The following LUZP4 variants were observed in gnomAD, a reference collection of about 807,000 sequenced individuals.
The protein encoded by LUZP4 is HOM-TES-85 tumor antigen.
A neutral mutation model predicts 8.5 loss-of-function variants in LUZP4; 11 were observed. The ratio of observed to expected loss-of-function variants is 1.30; its 90% CI spans 0.82 to 2.14. The LOEUF is 2.14. Ranked by LOEUF, LUZP4 falls within the 30% of genes most tolerant of loss-of-function variation. LUZP4 has a pLI of 0.00. For synonymous variants in LUZP4, 104 were observed against 79.4 expected (o/e 1.31, Z -1.65); for missense variants, 276 against 229.7 (o/e 1.20, Z -1.30).
chrX:115,289,816 T>C lies in LUZP4; in HGVS notation c.57T>C (p.Ser19=). The change falls in exon 1 of 4, where the codon AGT becomes AGC. Residue 19 remains serine (S), a synonymous_variant. Transcript: ENST00000371920. ...LSEKVPPNHP[S]RKKVNFLDMS... ...AAAAAGTGCCGCCAAATCATCCCAG[T>C]CGGAAAAAGGTTAACTTCCTAGATA... The C allele has an allele frequency of 8.3e-7, 1 of 1,208,385 alleles. No homozygotes were observed. Among genetic ancestry groups the C allele is most frequent in the African/African-American group, 1.7e-5 (1 of 57,602 alleles).
At chrX:115,294,864 T>G (rs1450519937) in intron 1 of LUZP4, among the ~76,000 whole-genome samples, 9 of 111,777 alleles carry the variant, frequency 8.1e-5, no homozygotes, top group African/African-American at 2.6e-4. Flanking sequence ...TAAGTATGAC[T>G]GTAAGATCTC....
chrX:115,294,079 C>T (rs990297278), intron 1 of LUZP4, among the ~76,000 whole-genome samples: 1 of 112,285 alleles, frequency 8.9e-6, no homozygotes, highest in Non-Finnish European at 1.9e-5. Flanking sequence ...TCACTCTAGG[C>T]CCTGCCTTGT....
chrX:115,301,746 G>A (rs181631536), intron 1 of LUZP4, among the ~76,000 whole-genome samples: 8 of 111,844 alleles, frequency 7.2e-5, no homozygotes, highest in African/African-American at 1.6e-4. Flanking sequence ...AAAGTATTTT[G>A]CTTTTGCATA....
intron 3 of LUZP4, among the ~76,000 whole-genome samples, chrX:115,303,969 T>C (rs1340579980): frequency 1.8e-5 from 2 of 112,493 alleles, no homozygotes; most frequent in Non-Finnish European, 3.7e-5. Flanking sequence ...TCCTAGCTTA[T>C]AAACTGATTC....
At chrX:115,291,793 G>A (rs144896575) in intron 1 of LUZP4, among the ~76,000 whole-genome samples, 218 of 110,952 alleles carry the variant, frequency 2.0e-3, no homozygotes, top group Non-Finnish European at 3.6e-3. Flanking sequence ...ATGGTGTTGC[G>A]TGCCTGTAGT....
rs782636978 is a variant in LUZP4 at position 115,302,042 on chromosome X, A to G, written c.142A>G (p.Lys48Glu). Reference sequence around the variant, plus strand: ...AGAAGGGACAAATGCTGAAGAAGAAAAGAATAAAAGACAGAACCATAGTAA... The same window carrying G: ...AGAAGGGACAAATGCTGAAGAAGAAGAGAATAAAAGACAGAACCATAGTAA... ...ELEGTNAEEE[K>E]NKRQNHSKKE... Residue 48 changes from lysine to glutamate, a missense_variant, in exon 2 of 4, where the codon AAG becomes GAG. Transcript: ENST00000371920. The G allele has an allele frequency of 2.5e-6, 3 of 1,182,326 alleles. No homozygotes were observed. The highest frequency in any genetic ancestry group is 3.4e-6 in the Non-Finnish European group (3 of 872,705).
Position 115,306,433 on chromosome X carries a change from C to T in LUZP4, c.571C>T (p.His191Tyr), listed in dbSNP as rs782135951. 2.5e-6 allele frequency: 3 copies of T among 1,209,768 alleles called. No individual in the cohort carries two copies. In the African/African-American group the frequency reaches 5.3e-5, roughly 21 times the overall value. Residue 191 changes from histidine (H) to tyrosine (Y), a missense_variant, in exon 4 of 4, where the codon CAT becomes TAT. Coordinates refer to ENST00000371920, the MANE Select transcript of LUZP4 (RefSeq NM_016383.5). ...KRHHPQYERS[H>Y]GQYKRSHGQS... ...ACATCATCCCCAATATGAGAGATCT[C>T]ATGGCCAATACAAGAGATCTCATGG...
At chrX:115,303,048 G>A (rs2073404754) in intron 2 of LUZP4, among the ~76,000 whole-genome samples, 2 of 111,216 alleles carry the variant, frequency 1.8e-5, no homozygotes, top group African/African-American at 3.3e-5. Flanking sequence ...CCCAACTTTG[G>A]TGGCATATGA....
intron 3 of LUZP4, among the ~76,000 whole-genome samples, chrX:115,304,158 A>G (rs1556602798): frequency 8.9e-6 from 1 of 112,577 alleles, no homozygotes; most frequent in Non-Finnish European, 1.9e-5. Context: ...TCAAATTATG[A>G]TTCAATGCCT....
At chrX:115,290,690 G>T (rs782175693) in intron 1 of LUZP4, among the ~76,000 whole-genome samples, 1 of 111,340 alleles carries the variant, frequency 9.0e-6, no homozygotes, top group South Asian at 3.8e-4. Flanking sequence ...GATGGAAGCT[G>T]ACTTTAGAAA....
chrX:115,301,361 A>G (rs1469138323), intron 1 of LUZP4, among the ~76,000 whole-genome samples: 1 of 111,749 alleles, frequency 8.9e-6, no homozygotes, highest in Admixed American at 9.5e-5. Context: ...TCTTTAAATT[A>G]TGCCATGTAA....
chrX:115,291,086 A>T (rs782151468), intron 1 of LUZP4, among the ~76,000 whole-genome samples: 1 of 110,499 alleles, frequency 9.0e-6, no homozygotes, highest in East Asian at 2.9e-4. Context: ...GGCATAAGCC[A>T]CCGCCCCCGG....
rs1556604570 is a variant in LUZP4, at chrX:115,306,781, G to A, written c.919G>A (p.Gly307Ser). The change falls in exon 4 of 4, where the codon GGT (glycine) becomes AGT (serine). Residue 307 changes from glycine to serine, a missense_variant. Physicochemically the swap from Gly to Ser is moderately conservative, Grantham distance 56. Coordinates refer to ENST00000371920, the MANE Select transcript of LUZP4 (RefSeq NM_016383.5). ...AGAAAGACATCAGAGATACTCAACA[G>A]GTAAAAATACAATAACTACTTAATC... is the stretch of plus-strand genomic sequence containing the variant. ...QSERHQRYSTGKNTITT is the reference protein window; with the variant it reads ...QSERHQRYSTSKNTITT 2 of 1,205,550 alleles carry A rather than the reference G, an allele frequency of 1.7e-6. No homozygotes were observed. Among genetic ancestry groups the A allele is most frequent in the South Asian group, 3.5e-5 (2 of 56,825 alleles).
At chrX:115,294,474 T>C (rs191631939) in intron 1 of LUZP4, among the ~76,000 whole-genome samples, 77 of 111,555 alleles carry the variant, frequency 6.9e-4, no homozygotes, top group African/African-American at 2.4e-3. Context: ...TGAGTAAATA[T>C]TTGCTATATG....
At position 115,306,680 on chromosome X, in the gene LUZP4, T is replaced by G. The variant is rs2073424213; in HGVS notation, c.818T>G (p.Leu273Arg). 8.3e-7 allele frequency: 1 copy of G among 1,206,999 alleles called. No homozygotes were observed. Among genetic ancestry groups the G allele is most frequent in the Non-Finnish European group, 1.1e-6 (1 of 893,918 alleles). ...GATCTCATAGCCACTCAGAGAGATC[T>G]CATAGTCACTCAGAGAGATCTCGTG... is the stretch of plus-strand genomic sequence containing the variant. ...QRDLIATQRD[L>R]IVTQRDLVAT... The change falls in exon 4 of 4, where the codon CTC (leucine) becomes CGC (arginine). Residue 273 changes from leucine to arginine, a missense_variant. Physicochemically the swap from Leu to Arg is moderately radical, Grantham distance 102. Transcript: ENST00000371920.
In LUZP4 at chrX:115,306,714, G is replaced by C; in HGVS notation, c.852G>C (p.Glu284Asp). Reference protein sequence around the residue: ...IVTQRDLVATERDLINQSGRS... With the variant: ...IVTQRDLVATDRDLINQSGRS... ...CTCAGAGAGATCTCGTGGCCACTGA[G>C]AGAGATCTCATAAATCAGTCAGGGA... The change falls in exon 4 of 4, where the codon GAG becomes GAC. Residue 284 changes from glutamate (E) to aspartate (D), a missense_variant. Coordinates refer to ENST00000371920, the MANE Select transcript of LUZP4 (RefSeq NM_016383.5). The C allele has an allele frequency of 8.3e-7, 1 of 1,210,850 alleles. No individual in the cohort carries two copies. Among genetic ancestry groups the C allele is most frequent in the Non-Finnish European group, 1.1e-6 (1 of 895,268 alleles).
At chrX:115,301,920 T>C in intron 1 of LUZP4, 72 bp from the exon 2 acceptor site, 3 of 671,581 alleles carry the variant, frequency 4.5e-6, no homozygotes, top group Non-Finnish European at 6.5e-6. Flanking sequence ...TGAGATAAGA[T>C]ATAGATTATT....
intron 2 of LUZP4, among the ~76,000 whole-genome samples, chrX:115,302,368 T>C (rs1556601960): frequency 8.9e-6 from 1 of 112,141 alleles, no homozygotes; most frequent in Non-Finnish European, 1.9e-5. Context: ...AAAGTAACCA[T>C]ATGAGCTGAG....
chrX:115,302,150 G>A (rs1556601889), intron 2 of LUZP4, 27 bp downstream of exon 2: 3 of 1,125,038 alleles, frequency 2.7e-6, no homozygotes, highest in East Asian at 3.2e-5. Context: ...ATAGTCACAC[G>A]TGGTAAAAAG....
Sources: gnomAD v4.1 joint callset for allele counts (sites outside exome capture counted in the v4.1 genomes callset) on GRCh38, gnomAD v4.1.1 for gene constraint, MANE v1.5 for transcripts, NCBI Gene and HGNC (gene_info 2026-07-23, HGNC 2026-07-21) for gene names.